Variants in XRCC5 observed in about 807,000 individuals in gnomAD.
The protein encoded by XRCC5 is DNA repair protein Ku80.
XRCC5 carries 12 observed loss-of-function variants against 95.7 expected under a neutral mutation model. The observed-to-expected ratio is 0.13, with a 90% CI of 0.08 to 0.20. The LOEUF (loss-of-function observed/expected upper bound fraction) is 0.20. XRCC5 is among the 10% of genes least tolerant of loss of function. The pLI, the probability that XRCC5 is intolerant of heterozygous loss-of-function variation, is 1.00. For missense variants in XRCC5, 595 were observed against 873.9 expected (o/e 0.68, Z 4.02); for synonymous variants, 281 against 290.3 (o/e 0.97, Z 0.33).
chr2:216,191,948 G>A (rs1330031188), intron 17 of XRCC5, among the ~76,000 whole-genome samples: 1 of 152,092 alleles, frequency 6.6e-6, no homozygotes, highest in Non-Finnish European at 1.5e-5. Flanking sequence ...GGGAGAAGAA[G>A]GTCATAGTAT....
intron 13 of XRCC5, among the ~76,000 whole-genome samples, chr2:216,145,162 CTT>C (rs1383888385): frequency 3.3e-5 from 5 of 152,098 alleles, no homozygotes; most frequent in African/African-American, 4.8e-5. Flanking sequence ...ATGAGAAAGA[CTT>C]TCTGATGAAG....
intron 13 of XRCC5, among the ~76,000 whole-genome samples, chr2:216,147,256 A>G (rs1342168988): frequency 6.6e-5 from 10 of 152,138 alleles, no homozygotes; most frequent in Non-Finnish European, 1.5e-5. Flanking sequence ...CCCAGGCCCC[A>G]AAGTTAGGAT....
chr2:216,194,994 G>A lies in XRCC5; in HGVS notation c.2109+8G>A, dbSNP rs754727910. ...GCTGAGGAAGCCAAAAAGGTATTGA[G>A]GGGTAAACCTTTGTCTTTAGTTGAA... On this transcript the variant is annotated splice_region_variant and intron_variant, in intron 19 of 20. Coordinates refer to ENST00000392132, the MANE Select transcript of XRCC5 (RefSeq NM_021141.4). The A allele has an allele frequency of 6.2e-7, 1 of 1,613,546 alleles. No homozygotes were observed. Among genetic ancestry groups the A allele is most frequent in the African/African-American group, 1.3e-5 (1 of 75,026 alleles).
chr2:216,186,847 AGTCAAAAGCAT>A (rs1437539423), intron 16 of XRCC5, among the ~76,000 whole-genome samples: 1 of 152,194 alleles, frequency 6.6e-6, no homozygotes, highest in East Asian at 1.9e-4. Flanking sequence ...GGGGCAGGGG[AGTCAAAAGCAT>A]ATTCCAGCCA....
chr2:216,159,936 T>C (rs1688918153), intron 14 of XRCC5, 132 bp from the exon 15 acceptor site: 1 of 563,604 alleles, frequency 1.8e-6, no homozygotes, highest in Non-Finnish European at 3.0e-6. Context: ...CTTTTCTTTT[T>C]CTTCTTCATT....
intron 16 of XRCC5, among the ~76,000 whole-genome samples, chr2:216,188,600 G>A (rs1156484164): frequency 6.6e-6 from 1 of 152,182 alleles, no homozygotes; most frequent in African/African-American, 2.4e-5. Context: ...GCCCAAATAT[G>A]TAACCTCGAG....
intron 9 of XRCC5, 149 bp from the exon 10 acceptor site, chr2:216,132,176 T>C: frequency 1.5e-6 from 1 of 673,124 alleles, no homozygotes; most frequent in Non-Finnish European, 2.6e-6. Flanking sequence ...TGTTGTGTTG[T>C]ATTGAATTAA....
At chr2:216,164,136 G>A (rs370514415) in intron 16 of XRCC5, among the ~76,000 whole-genome samples, 1 of 152,306 alleles carries the variant, frequency 6.6e-6, no homozygotes, top group Non-Finnish European at 1.5e-5. Context: ...TCGGAAAGTG[G>A]CGGAGATGCT....
chr2:216,148,497 C>T (rs576276394), intron 14 of XRCC5, among the ~76,000 whole-genome samples: 8 of 152,256 alleles, frequency 5.3e-5, no homozygotes, highest in Non-Finnish European at 8.8e-5. Flanking sequence ...GAGCTACCTT[C>T]TGGGCTGATG....
chr2:216,126,130 T>C, intron 7 of XRCC5, 99 bp downstream of exon 7: 1 of 908,922 alleles, frequency 1.1e-6, no homozygotes, highest in Non-Finnish European at 1.7e-6. Flanking sequence ...CTCGGAACCA[T>C]AATTACTGCT....
intron 16 of XRCC5, among the ~76,000 whole-genome samples, chr2:216,170,781 C>T (rs999940086): frequency 3.9e-5 from 6 of 152,240 alleles, no homozygotes; most frequent in South Asian, 2.1e-4. Context: ...TCTTAGAATT[C>T]ACCCTTGCAG....
intron 10 of XRCC5, among the ~76,000 whole-genome samples, chr2:216,134,571 A>T (rs1697042377): frequency 6.6e-6 from 1 of 151,450 alleles, no homozygotes; most frequent in South Asian, 2.1e-4. Flanking sequence ...GGGATTACAG[A>T]TGCCTGCCAC....
intron 16 of XRCC5, 118 bp downstream of exon 16, chr2:216,162,166 A>T (rs1559252277): frequency 1.0e-6 from 1 of 968,142 alleles, no homozygotes; most frequent in Non-Finnish European, 1.6e-6. Flanking sequence ...TTACTGGCGG[A>T]TCTTTGTGGT....
intron 17 of XRCC5, among the ~76,000 whole-genome samples, chr2:216,192,146 C>A (rs1689625413): frequency 6.6e-6 from 1 of 152,068 alleles, no homozygotes; most frequent in Non-Finnish European, 1.5e-5. Context: ...ATACATGCGC[C>A]TGCCACCGCA....
intron 16 of XRCC5, among the ~76,000 whole-genome samples, chr2:216,162,688 G>A (rs991548696): frequency 3.9e-5 from 6 of 152,004 alleles, no homozygotes; most frequent in African/African-American, 7.2e-5. Context: ...CATCGTGCCC[G>A]GCCACATCTT....
chr2:216,160,391 T>C (rs531340507), intron 15 of XRCC5, among the ~76,000 whole-genome samples: 1 of 152,326 alleles, frequency 6.6e-6, no homozygotes, highest in African/African-American at 2.4e-5. Context: ...TATATAGAGC[T>C]CTTTATAGAA....
rs1211486909 is a variant in XRCC5, at chr2:216,109,353, C to T, written c.-84C>T. 13 of 1,605,440 alleles carry T rather than the reference C, an allele frequency of 8.1e-6. No individual in the cohort carries two copies. The highest frequency in any genetic ancestry group is 8.0e-5 in the African/African-American group (6 of 74,668). On this transcript the variant is annotated 5_prime_UTR_variant, in exon 1 of 21. Transcript: ENST00000392132. ...GAAACGAAGCGGCTCTTTCCGCTAT[C>T]TGCCGCTTGTCCACCGGAAGCGAGT...
rs1559254061 is a variant in XRCC5 at position 216,167,586 on chromosome 2, GT to G, written c.1834+5539del. ...TGTGTGGGTTTGTGTGTGTGTGTGT[GT>G]GTGTGTGTGTGTGTGTGTGTGTGTG... On this transcript the variant is annotated intron_variant, in intron 16 of 20. Coordinates refer to ENST00000392132, the MANE Select transcript of XRCC5 (RefSeq NM_021141.4). 6.3e-3 allele frequency among the ~76,000 whole-genome samples: 556 copies of G among 87,938 alleles called. 3 individuals carry two copies. Among genetic ancestry groups the G allele is most frequent in the Non-Finnish European group, 9.7e-3 (441 of 45,628 alleles). 57.7% of individuals were successfully genotyped at this position (87,938 alleles called of 152,430 possible).
intron 14 of XRCC5, chr2:216,156,778 T>C: frequency 1.9e-6 from 1 of 526,436 alleles, no homozygotes; most frequent in Admixed American, 1.9e-5. Context: ...TCTATGTCCA[T>C]GAGAGTAACC....
Sources: gnomAD v4.1 joint callset for allele counts (sites outside exome capture counted in the v4.1 genomes callset) on GRCh38, gnomAD v4.1.1 for gene constraint, MANE v1.5 for transcripts, NCBI Gene and HGNC (gene_info 2026-07-23, HGNC 2026-07-21) for gene names.